The following KCNH1 variants were observed in gnomAD, a reference collection of about 807,000 sequenced individuals.
KCNH1 encodes the protein voltage-gated delayed rectifier potassium channel KCNH1.
A neutral mutation model predicts 69.2 loss-of-function variants in KCNH1; 27 were observed. That is an observed-to-expected ratio of 0.39 (90% CI 0.29 to 0.54). The LOEUF is 0.54. KCNH1 is among the 20% of genes least tolerant of loss of function. KCNH1 has a pLI of 0.68. For missense variants in KCNH1, 798 were observed against 1,261.6 expected (o/e 0.63, Z 5.57); for synonymous variants, 456 against 487.7 (o/e 0.93, Z 0.86).
intron 6 of KCNH1, among the ~76,000 whole-genome samples, chr1:210,986,591 T>C (rs958018537): frequency 6.6e-6 from 1 of 152,198 alleles, no homozygotes; most frequent in African/African-American, 2.4e-5. Context: ...TTCTTTTCTT[T>C]AAGAATGTTG....
intron 9 of KCNH1, among the ~76,000 whole-genome samples, chr1:210,793,745 C>T (rs1684254632): frequency 1.3e-5 from 2 of 152,316 alleles, no homozygotes; most frequent in South Asian, 2.1e-4. Flanking sequence ...TTTCTAAAGG[C>T]TCTTGCTTGT....
intron 4 of KCNH1, among the ~76,000 whole-genome samples, chr1:211,084,636 G>A (rs1690920497): frequency 6.6e-6 from 1 of 152,200 alleles, no homozygotes; most frequent in Non-Finnish European, 1.5e-5. Context: ...GGCATGGGAA[G>A]GTGAGTGGGT....
chr1:210,981,218 T>C (rs1020378287), intron 6 of KCNH1, among the ~76,000 whole-genome samples: 1 of 152,130 alleles, frequency 6.6e-6, no homozygotes, highest in Admixed American at 6.6e-5. Flanking sequence ...GTTTAACTCA[T>C]GTCTTATTCT....
chr1:211,119,270 G>A (rs1558612835), intron 1 of KCNH1, among the ~76,000 whole-genome samples: 1 of 152,140 alleles, frequency 6.6e-6, no homozygotes, highest in Non-Finnish European at 1.5e-5. Context: ...TGAGGCAGGA[G>A]AATGGTGTGA....
intron 6 of KCNH1, among the ~76,000 whole-genome samples, chr1:210,954,071 A>G (rs1688115244): frequency 6.6e-6 from 1 of 151,562 alleles, no homozygotes; most frequent in African/African-American, 2.4e-5. Context: ...CCATCCCAAG[A>G]CAGGCCCCAG....
chr1:210,868,324 T>C (rs541869059), intron 7 of KCNH1, among the ~76,000 whole-genome samples: 1 of 152,146 alleles, frequency 6.6e-6, no homozygotes, highest in South Asian at 2.1e-4. Flanking sequence ...TTTTTTTTAA[T>C]ACATTCTGGA....
In KCNH1 at chr1:211,082,873, T is replaced by G; in HGVS notation, c.465A>C (p.Thr155=). The change falls in exon 5 of 11, where the codon ACA becomes ACC. Residue 155 remains threonine, a synonymous_variant. Coordinates refer to ENST00000271751, the MANE Select transcript of KCNH1 (RefSeq NM_172362.3). ...CACCCCTGCTGCTTGTCAGTGCTCTTGTCAGCCGAGCAAACTTCCCCCAGC... is the reference window on the plus strand; with the variant it reads ...CACCCCTGCTGCTTGTCAGTGCTCTGGTCAGCCGAGCAAACTTCCCCCAGC... ...CKGWGKFARL[T]RALTSSRGVL... 1 of 1,614,038 alleles carries G rather than the reference T, an allele frequency of 6.2e-7. No homozygotes were observed. The highest frequency in any genetic ancestry group is 8.5e-7 in the Non-Finnish European group (1 of 1,179,964).
intron 7 of KCNH1, among the ~76,000 whole-genome samples, chr1:210,811,356 G>A (rs1684698589): frequency 6.6e-6 from 1 of 152,162 alleles, no homozygotes; most frequent in Admixed American, 6.5e-5. Context: ...GTCACTAATA[G>A]TTGAGTGGGG....
At chr1:211,016,922 A>AAAAAT (rs139001420) in intron 6 of KCNH1, among the ~76,000 whole-genome samples, 18,803 of 146,382 alleles carry the variant, frequency 0.13, 1,664 homozygotes, top group East Asian at 0.37. Context: ...AAAAAAAAAA[A>AAAAAT]TTTTAAAATT....
chr1:210,942,645 G>A (rs1232512053), intron 6 of KCNH1, among the ~76,000 whole-genome samples: 2 of 152,098 alleles, frequency 1.3e-5, no homozygotes, highest in African/African-American at 2.4e-5. Context: ...CAAACAAGCA[G>A]TCATATATAC....
intron 7 of KCNH1, among the ~76,000 whole-genome samples, chr1:210,817,710 C>A (rs1404409485): frequency 6.6e-6 from 1 of 152,160 alleles, no homozygotes; most frequent in East Asian, 1.9e-4. Flanking sequence ...TATCATTAGT[C>A]TCATTTGCAC....
intron 8 of KCNH1, among the ~76,000 whole-genome samples, chr1:210,800,999 G>A (rs1234757712): frequency 6.6e-6 from 1 of 152,166 alleles, no homozygotes; most frequent in Non-Finnish European, 1.5e-5. Context: ...AGGATTCCAT[G>A]AGCTGTTGTG....
intron 6 of KCNH1, among the ~76,000 whole-genome samples, chr1:210,938,201 A>G (rs1288590092): frequency 6.6e-6 from 1 of 152,222 alleles, no homozygotes; most frequent in Non-Finnish European, 1.5e-5. Context: ...GCATTTCTTC[A>G]CTGAATGTCC....
chr1:211,001,431 C>A (rs1163759764), intron 6 of KCNH1, among the ~76,000 whole-genome samples: 1 of 152,150 alleles, frequency 6.6e-6, no homozygotes, highest in Non-Finnish European at 1.5e-5. Context: ...CATCACTGGC[C>A]ATCAGAGAAA....
intron 6 of KCNH1, among the ~76,000 whole-genome samples, chr1:210,967,939 C>G (rs1574367938): frequency 1.3e-5 from 2 of 151,668 alleles, no homozygotes; most frequent in Non-Finnish European, 2.9e-5. Flanking sequence ...CATATGTATA[C>G]ATGTGCCATG....
chr1:210,984,200 A>G (rs1688775950), intron 6 of KCNH1, among the ~76,000 whole-genome samples: 1 of 152,166 alleles, frequency 6.6e-6, no homozygotes, highest in Non-Finnish European at 1.5e-5. Flanking sequence ...TTCTAGATAT[A>G]CAATCATGTC....
intron 5 of KCNH1, among the ~76,000 whole-genome samples, chr1:211,047,062 A>G (rs952241445): frequency 4.6e-5 from 7 of 152,254 alleles, no homozygotes; most frequent in African/African-American, 1.7e-4. Flanking sequence ...ATCAATATGT[A>G]AAATCACTTG....
At chr1:210,822,102 T>A (rs1684941284) in intron 7 of KCNH1, among the ~76,000 whole-genome samples, 1 of 151,930 alleles carries the variant, frequency 6.6e-6, no homozygotes, top group Non-Finnish European at 1.5e-5. Context: ...TCATCCCAGA[T>A]GAATAGACAA....
intron 6 of KCNH1, among the ~76,000 whole-genome samples, chr1:210,927,027 GA>G (rs1416937926): frequency 6.6e-6 from 1 of 151,970 alleles, no homozygotes; most frequent in Non-Finnish European, 1.5e-5. Flanking sequence ...AAAGAAAAAA[GA>G]ATTTTAAAAA....
Sources: gnomAD v4.1 joint callset for allele counts (sites outside exome capture counted in the v4.1 genomes callset) on GRCh38, gnomAD v4.1.1 for gene constraint, MANE v1.5 for transcripts, NCBI Gene and HGNC (gene_info 2026-07-23, HGNC 2026-07-21) for gene names.